N4BP2L1: variants seen among roughly 807,000 people sequenced by gnomAD.
N4BP2L1 encodes NEDD4 binding protein 2 like 1.
A neutral mutation model predicts 21.2 loss-of-function variants in N4BP2L1; 12 were observed. That is an observed-to-expected ratio of 0.57 (90% CI 0.36 to 0.92). The LOEUF (loss-of-function observed/expected upper bound fraction) is 0.92. Among genes scored for constraint, N4BP2L1 ranks in the 40% least tolerant of loss-of-function variants. The pLI is 0.01. For synonymous variants in N4BP2L1, 104 were observed against 112.8 expected (o/e 0.92, Z 0.49); for missense variants, 259 against 310.6 (o/e 0.83, Z 1.25).
chr13:32,403,691 C>T (rs371047519), intron 4 of N4BP2L1: 60 of 535,530 alleles, frequency 1.1e-4, no homozygotes, highest in Non-Finnish European at 1.8e-4. Flanking sequence ...TCCATGAACT[C>T]GGATTTTAAT....
chr13:32,403,110 T>C lies in N4BP2L1; in HGVS notation c.564A>G (p.Ala188=). 1 of 1,614,188 alleles carries C rather than the reference T, an allele frequency of 6.2e-7. No individual in the cohort carries two copies. The highest frequency in any genetic ancestry group is 2.2e-5 in the East Asian group (1 of 44,882). Residue 188 remains alanine, a synonymous_variant, in exon 5 of 5, where the codon GCA becomes GCG. Coordinates refer to ENST00000380130, the MANE Select transcript of N4BP2L1 (RefSeq NM_052818.3). ...HDVTFHSVLH[A]EKPSRMNRNQ... ...TTCTGTTCATTCTGCTTGGCTTTTCTGCATGAAGCACACTGTGAAAAGTAA... is the reference window on the plus strand; with the variant it reads ...TTCTGTTCATTCTGCTTGGCTTTTCCGCATGAAGCACACTGTGAAAAGTAA...
In N4BP2L1 at chr13:32,427,804, C is replaced by T. The variant is rs974629790; in HGVS notation, c.179+100G>A. 12 of 746,084 alleles carry T rather than the reference C, an allele frequency of 1.6e-5. No individual in the cohort carries two copies. In the South Asian group the frequency reaches 3.3e-4, roughly 20 times the overall value. The allele number at this position is 746,084 out of a possible 1,614,324, so 46.2% of individuals were successfully genotyped here. On this transcript the variant is annotated intron_variant, in intron 1 of 4. Transcript: ENST00000380130. ...CCGCGGCAGGCACCCGCGGCGGGGG[C>T]GCAAGCGGCGCCCGGGAGCGGCTTG...
In N4BP2L1 at chr13:32,402,050, A is replaced by G. The variant is rs1402772932; in HGVS notation, c.*892T>C. On this transcript the variant is annotated 3_prime_UTR_variant, in exon 5 of 5. Transcript: ENST00000380130. ...GCTTTTATATATCCCTGTATGACCT[A>G]TATCCTGGGGTGCCTAATTTCTTGC... is the stretch of plus-strand genomic sequence containing the variant. The G allele has an allele frequency of 6.1e-6, 6 of 985,338 alleles. No homozygotes were observed. Among genetic ancestry groups the G allele is most frequent in the Non-Finnish European group, 7.2e-6 (6 of 829,940 alleles). The allele number at this position is 985,338 out of a possible 1,614,324, so 61.0% of individuals were successfully genotyped here.
At position 32,400,790 on chromosome 13, in the gene N4BP2L1, T is replaced by C. The variant is rs2073092171; in HGVS notation, c.*2152A>G. 6.6e-6 allele frequency: 1 copy of C among 152,190 alleles called. No homozygotes were observed. The highest frequency in any genetic ancestry group is 2.4e-5 in the African/African-American group (1 of 41,450). The allele number at this position is 152,190 out of a possible 1,614,324, so 9.4% of individuals were successfully genotyped here. On this transcript the variant is annotated 3_prime_UTR_variant, in exon 5 of 5. Coordinates refer to ENST00000380130, the MANE Select transcript of N4BP2L1 (RefSeq NM_052818.3). ...GAGACCCTATTGCCCATAAAGAGCATTTGCCAGTTCTATGAATGATGCAAA... is the reference window on the plus strand; with the variant it reads ...GAGACCCTATTGCCCATAAAGAGCACTTGCCAGTTCTATGAATGATGCAAA...
chr13:32,409,235 T>C (rs907018364), intron 1 of N4BP2L1, among the ~76,000 whole-genome samples: 2 of 152,198 alleles, frequency 1.3e-5, no homozygotes, highest in East Asian at 3.9e-4. Context: ...TGAATATACA[T>C]TCCAGAAATG....
At chr13:32,423,326 G>A (rs1403576402) in intron 1 of N4BP2L1, among the ~76,000 whole-genome samples, 1 of 152,180 alleles carries the variant, frequency 6.6e-6, no homozygotes, top group African/African-American at 2.4e-5. Context: ...GAGCCTAACT[G>A]AATCCATGTT....
intron 3 of N4BP2L1, among the ~76,000 whole-genome samples, chr13:32,405,056 T>C (rs1462175354): frequency 6.6e-6 from 1 of 152,114 alleles, no homozygotes; most frequent in Non-Finnish European, 1.5e-5. Flanking sequence ...TTATAAAACA[T>C]AGAGTGGAAA....
chr13:32,405,892 C>CCTTTTTTTTTTTTTTTTTTTTT (rs2073452557), intron 3 of N4BP2L1, among the ~76,000 whole-genome samples: 1 of 101,192 alleles, frequency 9.9e-6, no homozygotes. Flanking sequence ...TTCCTGCCCC[C>CCTTTTTTTTTTTTTTTTTTTTT]TTTTTTTTTT....
chr13:32,428,184 G>T, upstream of N4BP2L1: 1 of 1,228,196 alleles, frequency 8.1e-7, no homozygotes, highest in African/African-American at 1.5e-5. Flanking sequence ...GTGATGGATA[G>T]AGGGGCGGGC....
intron 1 of N4BP2L1, among the ~76,000 whole-genome samples, chr13:32,417,169 T>G (rs961499269): frequency 6.6e-6 from 1 of 152,206 alleles, no homozygotes; most frequent in Admixed American, 6.5e-5. Flanking sequence ...TTACTCATTT[T>G]TGTACAATGA....
chr13:32,418,211 G>A (rs967348390), intron 1 of N4BP2L1, among the ~76,000 whole-genome samples: 6 of 152,230 alleles, frequency 3.9e-5, no homozygotes, highest in African/African-American at 1.4e-4. Flanking sequence ...CCCCTGCTGT[G>A]TGCAGCCTTG....
chr13:32,408,522 G>A (rs1019765956), intron 1 of N4BP2L1, among the ~76,000 whole-genome samples: 2 of 152,178 alleles, frequency 1.3e-5, no homozygotes, highest in African/African-American at 4.8e-5. Context: ...CGCTTATTCA[G>A]TTCTGCACAA....
intron 1 of N4BP2L1, 141 bp downstream of exon 1, chr13:32,427,757 TGGGCTG>T (rs905713369): frequency 1.8e-5 from 6 of 341,916 alleles, no homozygotes; most frequent in Non-Finnish European, 2.9e-5. Flanking sequence ...GGCTCAGGCT[TGGGCTG>T]GGGCTGGGGC....
chr13:32,407,578 A>C, intron 2 of N4BP2L1, 67 bp downstream of exon 2: 2 of 1,606,220 alleles, frequency 1.2e-6, no homozygotes, highest in Non-Finnish European at 1.7e-6. Context: ...AAATTTATTC[A>C]TTCTGCAGCA....
intron 3 of N4BP2L1, among the ~76,000 whole-genome samples, chr13:32,405,941 C>G (rs1187995804): frequency 8.0e-6 from 1 of 125,676 alleles, no homozygotes; most frequent in Non-Finnish European, 1.6e-5. Context: ...CTCGCTCTTT[C>G]ACCCAGGCTG....
chr13:32,429,225 G>C (rs545093267), upstream of N4BP2L1, among the ~76,000 whole-genome samples: 64 of 152,228 alleles, frequency 4.2e-4, no homozygotes, highest in Non-Finnish European at 8.2e-4. Context: ...TCCAAGTGGG[G>C]AGGGGCTCTG....
At chr13:32,427,835 G>T in intron 1 of N4BP2L1, 69 bp downstream of exon 1, 1 of 1,122,724 alleles carries the variant, frequency 8.9e-7, no homozygotes, top group Non-Finnish European at 1.2e-6. Context: ...GCTTGGGGCA[G>T]GGGTGCGCTC....
intron 1 of N4BP2L1, among the ~76,000 whole-genome samples, chr13:32,409,947 T>C (rs940208070): frequency 1.1e-4 from 17 of 152,178 alleles, no homozygotes; most frequent in African/African-American, 4.1e-4. Flanking sequence ...CTTGAACGTG[T>C]CCAGAGAAGA....
chr13:32,426,175 G>A (rs147995734), intron 1 of N4BP2L1, among the ~76,000 whole-genome samples: 2 of 152,036 alleles, frequency 1.3e-5, no homozygotes, highest in African/African-American at 4.8e-5. Flanking sequence ...ATGTTACTTC[G>A]CTTCCCAACA....
Sources: gnomAD v4.1 joint callset for allele counts (sites outside exome capture counted in the v4.1 genomes callset) on GRCh38, gnomAD v4.1.1 for gene constraint, MANE v1.5 for transcripts, NCBI Gene and HGNC (gene_info 2026-07-23, HGNC 2026-07-21) for gene names.